The following MTMR6 variants were observed in gnomAD, a reference collection of about 807,000 sequenced individuals.
The protein encoded by MTMR6 is myotubularin related protein 6, also known as phosphatidylinositol-3,5-bisphosphate 3-phosphatase MTMR6.
In MTMR6, 47 loss-of-function variants were observed where a neutral mutation model predicts 80.1. That is an observed-to-expected ratio of 0.59 (90% CI 0.46 to 0.75). The LOEUF is 0.75. MTMR6 is among the 30% of genes least tolerant of loss of function. The probability of loss-of-function intolerance (pLI) is 0.00; values close to 1 mark genes in which losing one functional copy is unlikely to be tolerated. For missense variants in MTMR6, 629 were observed against 730.9 expected (o/e 0.86, Z 1.61); for synonymous variants, 254 against 253.0 (o/e 1.00, Z -0.04).
intron 5 of MTMR6, 111 bp downstream of exon 5, chr13:25,265,708 G>A (rs939653361): frequency 4.2e-5 from 52 of 1,237,370 alleles, no homozygotes; most frequent in African/African-American, 6.1e-5. Context: ...CTCCAGCTTC[G>A]GCAACAGAGC....
intron 1 of MTMR6, among the ~76,000 whole-genome samples, chr13:25,280,092 C>G (rs567556210): frequency 6.6e-6 from 1 of 152,168 alleles, no homozygotes; most frequent in East Asian, 1.9e-4. Context: ...AATAACAAAA[C>G]TGATAACGGA....
At position 25,260,171 on chromosome 13, in the gene MTMR6, C is replaced by A. The variant is rs1031788775; in HGVS notation, c.727-1479G>T. The stretch of plus-strand genomic sequence containing the variant: ...AGCCACCATGTCCAGCCAGATAATT[C>A]TTTTTTTTTTTTTTGAGACGGAGTT... On this transcript the variant is annotated intron_variant, in intron 6 of 13. Coordinates refer to ENST00000381801, the MANE Select transcript of MTMR6 (RefSeq NM_004685.5). 7.9e-4 allele frequency among the ~76,000 whole-genome samples: 110 copies of A among 138,594 alleles called. 2 individuals are homozygous for A. The highest frequency in any genetic ancestry group is 3.0e-3 in the African/African-American group (109 of 36,716). The allele number at this position is 138,594 out of a possible 152,430, so 90.9% of individuals were successfully genotyped here.
At chr13:25,270,826 G>C (rs917083458) in intron 2 of MTMR6, among the ~76,000 whole-genome samples, 1 of 152,200 alleles carries the variant, frequency 6.6e-6, no homozygotes, top group African/African-American at 2.4e-5. Flanking sequence ...CAGTATGACA[G>C]TATGTGCAGT....
chr13:25,285,811 G>T (rs1957944442), intron 1 of MTMR6, among the ~76,000 whole-genome samples: 1 of 152,170 alleles, frequency 6.6e-6, no homozygotes, highest in Admixed American at 6.5e-5. Context: ...TGGGATTACA[G>T]GCGTGAGCCA....
At position 25,249,078 on chromosome 13, in the gene MTMR6, T is replaced by A; in HGVS notation, c.*154A>T. The A allele has an allele frequency of 1.4e-6, 1 of 700,050 alleles. No homozygotes were observed. Among genetic ancestry groups the A allele is most frequent in the Non-Finnish European group, 2.3e-6 (1 of 437,636 alleles). 43.4% of individuals were successfully genotyped at this position (700,050 alleles called of 1,614,324 possible). ...ATGCAATTAAAATGACTTATTTCTCTCACAAGGGTAGTTATTATCCTTCCT... is the reference window on the plus strand; with the variant it reads ...ATGCAATTAAAATGACTTATTTCTCACACAAGGGTAGTTATTATCCTTCCT... On this transcript the variant is annotated 3_prime_UTR_variant, in exon 14 of 14. Coordinates refer to ENST00000381801, the MANE Select transcript of MTMR6 (RefSeq NM_004685.5).
intron 2 of MTMR6, among the ~76,000 whole-genome samples, chr13:25,270,580 T>C (rs564425562): frequency 6.6e-6 from 1 of 152,180 alleles, no homozygotes; most frequent in South Asian, 2.1e-4. Flanking sequence ...GAGGGGTAGA[T>C]GGAGTGGATG....
At chr13:25,285,355 TCA>T (rs1448544837) in intron 1 of MTMR6, among the ~76,000 whole-genome samples, 4 of 151,626 alleles carry the variant, frequency 2.6e-5, no homozygotes, top group Admixed American at 2.0e-4. Context: ...TTGATCAGAT[TCA>T]GTTTACTTTT....
chr13:25,279,659 C>T (rs576143095), intron 1 of MTMR6, among the ~76,000 whole-genome samples: 90 of 152,058 alleles, frequency 5.9e-4, no homozygotes, highest in Non-Finnish European at 8.4e-4. Context: ...AAGAAGGATG[C>T]GTATGGAGTT....
intron 1 of MTMR6, among the ~76,000 whole-genome samples, chr13:25,284,015 T>C (rs1957910148): frequency 6.6e-6 from 1 of 152,214 alleles, no homozygotes; most frequent in African/African-American, 2.4e-5. Flanking sequence ...AACAGAATGA[T>C]AAATATGTTC....
intron 2 of MTMR6, among the ~76,000 whole-genome samples, chr13:25,272,915 T>C (rs946701892): frequency 2.6e-5 from 4 of 152,190 alleles, no homozygotes; most frequent in Admixed American, 1.3e-4. Flanking sequence ...CGTGTCTTTT[T>C]GGTTGATTTA....
chr13:25,267,719 A>G, intron 3 of MTMR6, 60 bp downstream of exon 3: 8 of 1,475,394 alleles, frequency 5.4e-6, no homozygotes, highest in Non-Finnish European at 7.4e-6. Context: ...CATTAAATAA[A>G]GTATCTTAGA....
intron 9 of MTMR6, among the ~76,000 whole-genome samples, chr13:25,255,001 G>A (rs1957167677): frequency 6.6e-6 from 1 of 152,096 alleles, no homozygotes; most frequent in South Asian, 2.1e-4. Context: ...CTGACTTTAT[G>A]TTTTCCTTGC....
Position 25,251,012 on chromosome 13 carries a change from T to C in MTMR6, c.1605+637A>G, listed in dbSNP as rs1957074153. ...CAAATAGATCTATGTTTTATTTCTT[T>C]TTTTTTTGTTTGTTTTTGTTTTGAG... On this transcript the variant is annotated intron_variant, in intron 13 of 13. Transcript: ENST00000381801. This position sits in a 1 kb window ranked among gnomAD's most constrained non-coding sequence, Gnocchi z 4.1. Among the ~76,000 whole-genome samples, 1 of 150,252 alleles carries C rather than the reference T, an allele frequency of 6.7e-6. No individual in the cohort carries two copies. The highest frequency in any genetic ancestry group is 1.5e-5 in the Non-Finnish European group (1 of 67,648).
In MTMR6 at chr13:25,249,495, A is replaced by G. The variant is rs1162530574; in HGVS notation, c.1606-3T>C. ...TTATTTTTGCGTTGTTTAATTTTCT[A>G]GAACAAACACAAATTTGAAAAAATT... is the stretch of plus-strand genomic sequence containing the variant. On this transcript the variant is annotated splice_region_variant and splice_polypyrimidine_tract_variant and intron_variant, in intron 13 of 13. Coordinates refer to ENST00000381801, the MANE Select transcript of MTMR6 (RefSeq NM_004685.5). 1 of 1,608,008 alleles carries G rather than the reference A, an allele frequency of 6.2e-7. No individual in the cohort carries two copies. Among genetic ancestry groups the G allele is most frequent in the African/African-American group, 1.3e-5 (1 of 74,826 alleles).
intron 1 of MTMR6, among the ~76,000 whole-genome samples, chr13:25,286,205 T>C (rs1957951448): frequency 6.6e-6 from 1 of 152,216 alleles, no homozygotes; most frequent in South Asian, 2.1e-4. Context: ...TATGTATACC[T>C]TTAAAAGGTT....
At chr13:25,259,173 G>C (rs567076293) in intron 6 of MTMR6, among the ~76,000 whole-genome samples, 2 of 152,258 alleles carry the variant, frequency 1.3e-5, no homozygotes, top group South Asian at 4.2e-4. Flanking sequence ...CAGATTACTT[G>C]AGGGAGATTA....
At chr13:25,254,109 G>T (rs1957142587) in intron 10 of MTMR6, 145 bp from the exon 11 acceptor site, 1 of 883,894 alleles carries the variant, frequency 1.1e-6, no homozygotes, top group Non-Finnish European at 1.7e-6. Context: ...AACCATTTAT[G>T]AGTTTTTAAA....
intron 9 of MTMR6, among the ~76,000 whole-genome samples, chr13:25,256,611 A>G (rs1341149466): frequency 6.6e-6 from 1 of 152,218 alleles, no homozygotes; most frequent in African/African-American, 2.4e-5. Flanking sequence ...TAAAAATCTG[A>G]TCATACCTTT....
chr13:25,283,837 C>T (rs761285465), intron 1 of MTMR6, among the ~76,000 whole-genome samples: 1 of 152,156 alleles, frequency 6.6e-6, no homozygotes, highest in Non-Finnish European at 1.5e-5. Flanking sequence ...CTGCATATTT[C>T]TCATTGTTTC....
Sources: allele counts gnomAD v4.1 joint callset (sites outside exome capture counted in the v4.1 genomes callset), GRCh38; gene constraint gnomAD v4.1.1; non-coding constraint Gnocchi (gnomAD v3.1); transcripts MANE v1.5; gene names NCBI Gene and HGNC (gene_info 2026-07-23, HGNC 2026-07-21).